AKAP9: variants seen among roughly 807,000 people sequenced by gnomAD.
AKAP9 encodes A-kinase anchor protein 9.
AKAP9 carries 311 observed loss-of-function variants against 488.5 expected under a neutral mutation model. The ratio of observed to expected loss-of-function variants is 0.64; its 90% confidence interval spans 0.58 to 0.70. The LOEUF (loss-of-function observed/expected upper bound fraction) is 0.70. AKAP9 is among the 30% of genes least tolerant of loss of function. The pLI is 0.00. For synonymous variants in AKAP9, 1,462 were observed against 1,483.5 expected, an observed-to-expected ratio of 0.99 and a Z score of 0.33; for missense variants, 4,215 against 4,374.5, an observed-to-expected ratio of 0.96 and a Z score of 1.03.
chr7:92,104,075 A>C (rs1174489118), intron 46 of AKAP9, among the ~76,000 whole-genome samples: 2 of 152,176 alleles, frequency 1.3e-5, no homozygotes, highest in Non-Finnish European at 2.9e-5. Context: ...ACAAACACCA[A>C]GGCTTCTCCA....
chr7:92,015,773 C>T (rs1801429870), intron 10 of AKAP9, among the ~76,000 whole-genome samples: 1 of 152,016 alleles, frequency 6.6e-6, no homozygotes, highest in Admixed American at 6.6e-5. Context: ...CCATCCTTGT[C>T]CTGTGATGTT....
At chr7:92,095,875 C>T (rs986723251) in intron 40 of AKAP9, among the ~76,000 whole-genome samples, 3 of 152,150 alleles carry the variant, frequency 2.0e-5, no homozygotes, top group Non-Finnish European at 4.4e-5. Context: ...TCCCTAGGTA[C>T]CAATTATAGT....
intron 13 of AKAP9, 135 bp from the exon 14 acceptor site, chr7:92,022,679 T>C (rs1584169174): frequency 4.5e-6 from 3 of 667,262 alleles, no homozygotes; most frequent in Middle Eastern, 4.1e-4. Flanking sequence ...TGAGTTTAAA[T>C]TGAAACCAGA....
At chr7:91,989,337 T>C (rs1797489551) in intron 3 of AKAP9, among the ~76,000 whole-genome samples, 1 of 152,182 alleles carries the variant, frequency 6.6e-6, no homozygotes, top group Non-Finnish European at 1.5e-5. Context: ...TGTAGAAATA[T>C]GTATCCTATT....
chr7:92,076,645 A>G (rs887981434), intron 28 of AKAP9, among the ~76,000 whole-genome samples: 8 of 152,134 alleles, frequency 5.3e-5, no homozygotes, highest in African/African-American at 1.9e-4. Context: ...TGCTTTGTGT[A>G]GGATAGTTTA....
At chr7:91,974,674 T>G (rs1795446819) in intron 2 of AKAP9, among the ~76,000 whole-genome samples, 1 of 152,204 alleles carries the variant, frequency 6.6e-6, no homozygotes, top group African/African-American at 2.4e-5. Context: ...GCATTGAATC[T>G]GTAGATGAAT....
chr7:91,961,661 G>C (rs1793747460), intron 1 of AKAP9, among the ~76,000 whole-genome samples: 2 of 151,736 alleles, frequency 1.3e-5, no homozygotes, highest in Admixed American at 1.3e-4. Context: ...TAGCTAACAT[G>C]GTGAAACCCC....
intron 24 of AKAP9, among the ~76,000 whole-genome samples, chr7:92,063,222 C>G (rs1179229622): frequency 6.6e-6 from 1 of 152,082 alleles, no homozygotes; most frequent in African/African-American, 2.4e-5. Context: ...TTTCTTCCAG[C>G]TGCTCAAATT....
chr7:92,107,267 A>G, intron 47 of AKAP9, 26 bp from the exon 48 acceptor site: 2 of 1,612,734 alleles, frequency 1.2e-6, no homozygotes, highest in Non-Finnish European at 1.7e-6. Flanking sequence ...ATTTTTCTTT[A>G]CAAGGAATAT....
Position 92,083,651 on chromosome 7 carries a change from A to G in AKAP9, c.8642A>G (p.Lys2881Arg). 5.0e-6 allele frequency: 8 copies of G among 1,611,232 alleles called. No homozygotes were observed. The highest frequency in any genetic ancestry group is 6.8e-6 in the Non-Finnish European group (8 of 1,179,368). ...GCAGTGATACAGTGTCTGAGAAGTAAAGAGGTATTTGGTTTTTATAATATG... is the reference window on the plus strand; with the variant it reads ...GCAGTGATACAGTGTCTGAGAAGTAGAGAGGTATTTGGTTTTTATAATATG... ...LKAVIQCLRSKEGSSIPELAH... is the reference protein window; with the variant it reads ...LKAVIQCLRSREGSSIPELAH... The change falls in exon 33 of 50, where the codon AAA (lysine) becomes AGA (arginine). Residue 2881 changes from lysine (K) to arginine (R), a missense_variant. Lys to Arg is a conservative substitution (Grantham distance 26). Around this residue, in one of 5 missense-constraint regions of AKAP9, gnomAD observed 1,476 missense variants for 1,477.4 expected, o/e 1.00. Transcript: ENST00000356239.
chr7:91,970,276 A>C (rs1279324938), intron 1 of AKAP9, among the ~76,000 whole-genome samples: 1 of 151,800 alleles, frequency 6.6e-6, no homozygotes, highest in African/African-American at 2.4e-5. Context: ...TATATTGCCT[A>C]TTTCTTGATA....
intron 19 of AKAP9, 69 bp from the exon 20 acceptor site, chr7:92,042,599 C>T (rs2130785368): frequency 9.3e-7 from 1 of 1,074,194 alleles, no homozygotes; most frequent in Middle Eastern, 2.3e-4. Flanking sequence ...AGAAGAATGA[C>T]ATGCTGTTTC....
chr7:91,988,797 GTTT>G (rs1205502132), intron 3 of AKAP9, among the ~76,000 whole-genome samples: 1 of 151,944 alleles, frequency 6.6e-6, no homozygotes, highest in Non-Finnish European at 1.5e-5. Context: ...AATACAGTTT[GTTT>G]TTTTATTATT....
intron 18 of AKAP9, chr7:92,041,707 G>C: frequency 8.6e-6 from 2 of 231,554 alleles, no homozygotes; most frequent in South Asian, 1.2e-4. Flanking sequence ...AAAATAATAA[G>C]ATAATTGGGA....
intron 30 of AKAP9, 43 bp from the exon 31 acceptor site, chr7:92,079,036 A>G (rs1315722496): frequency 7.4e-7 from 1 of 1,358,346 alleles, no homozygotes. Context: ...CAAAATGTAA[A>G]TACATATATA....
chr7:92,102,728 G>A lies in AKAP9; in HGVS notation c.11232G>A (p.Gly3744=). 1.2e-6 allele frequency: 2 copies of A among 1,614,206 alleles called. No individual in the cohort carries two copies. The highest frequency in any genetic ancestry group is 1.3e-5 in the African/African-American group (1 of 75,064). ...CCTTGGCCCTGCTTGCCCGGATGGGGGGGCAGCCAGCTTTCACGGATCTAG... is the reference window on the plus strand; with the variant it reads ...CCTTGGCCCTGCTTGCCCGGATGGGAGGGCAGCCAGCTTTCACGGATCTAG... The part of the protein sequence containing the change: ...DATLALLARM[G]GQPAFTDLEV... Residue 3744 remains glycine, a synonymous_variant, in exon 46 of 50, where the codon GGG becomes GGA. Transcript: ENST00000356239.
At position 91,941,423 on chromosome 7, in the gene AKAP9, A is replaced by G. The variant is rs573402864; in HGVS notation, c.48+276A>G. 3.3e-5 allele frequency among the ~76,000 whole-genome samples: 5 copies of G among 152,166 alleles called. No homozygotes were observed. The South Asian group carries it at 1.0e-3, about 32-fold the overall frequency. On this transcript the variant is annotated intron_variant, in intron 1 of 49. Coordinates refer to ENST00000356239, the MANE Select transcript of AKAP9 (RefSeq NM_005751.5). ...CCAAATAAAACTCCCCTTTTACTGT[A>G]TTGCTGTAAACTAGTGTTTAGTTGC... is the stretch of plus-strand genomic sequence containing the variant.
chr7:92,044,894 T>C lies in AKAP9; in HGVS notation c.5163-114T>C, dbSNP rs974443123. 3.8e-6 allele frequency: 3 copies of C among 780,790 alleles called. No homozygotes were observed. In the African/African-American group the frequency reaches 5.2e-5, roughly 14 times the overall value. 48.4% of individuals were successfully genotyped at this position (780,790 alleles called of 1,614,324 possible). A position where few individuals can be genotyped will look rare whatever the true frequency, so the allele number is the denominator to read the frequency against. On this transcript the variant is annotated intron_variant, in intron 20 of 49. Coordinates refer to ENST00000356239, the MANE Select transcript of AKAP9 (RefSeq NM_005751.5). ...CTATTGGGTATTTTAATAAAAAGGA[T>C]CATCTGTTATTTTTCAAATCAAATA...
intron 1 of AKAP9, among the ~76,000 whole-genome samples, chr7:91,954,818 C>T (rs2130484357): frequency 6.6e-6 from 1 of 152,196 alleles, no homozygotes; most frequent in Non-Finnish European, 1.5e-5. Flanking sequence ...TTAGGACCCA[C>T]TAACATAGCC....
Sources: allele counts gnomAD v4.1 joint callset (sites outside exome capture counted in the v4.1 genomes callset), GRCh38; gene constraint gnomAD v4.1.1; regional missense constraint gnomAD v4.1.1; transcripts MANE v1.5; gene names NCBI Gene and HGNC (gene_info 2026-07-23, HGNC 2026-07-21).